The following TNC variants were observed in gnomAD, a reference collection of about 807,000 sequenced individuals.
TNC encodes the protein tenascin C, also known as tenascin.
A neutral mutation model predicts 202.4 loss-of-function variants in TNC; 109 were observed. That is an observed-to-expected ratio of 0.54 (90% CI 0.46 to 0.63). The LOEUF is 0.63. TNC is among the 30% of genes least tolerant of loss of function. The pLI, the probability that TNC is intolerant of heterozygous loss-of-function variation, is 0.00. For synonymous variants in TNC, 1,007 were observed against 1,089.7 expected, an observed-to-expected ratio of 0.92 and a Z score of 1.50; for missense variants, 2,756 against 2,833.3, an observed-to-expected ratio of 0.97 and a Z score of 0.62.
rs1830485775 is a variant in TNC at position 115,038,337 on chromosome 9, G to C, written c.5436C>G (p.Asp1812Glu). ...PSGLVTANIT[D>E]SEALARWQPA... ...GCTGCCACCTGGCCAAGGCTTCTGA[G>C]TCAGTGATGTTGGCTGTCACCAGGC... is the stretch of plus-strand genomic sequence containing the variant. The change falls in exon 20 of 28, where the codon GAC becomes GAG. Residue 1812 changes from aspartate to glutamate, a missense_variant. Around this residue, in one of 2 missense-constraint regions of TNC, gnomAD observed 2,559 missense variants for 2,546.0 expected, o/e 1.01. Coordinates refer to ENST00000350763, the MANE Select transcript of TNC (RefSeq NM_002160.4). The C allele has an allele frequency of 6.2e-7, 1 of 1,614,174 alleles. No homozygotes were observed. The highest frequency in any genetic ancestry group is 8.5e-7 in the Non-Finnish European group (1 of 1,179,996).
At chr9:115,035,907 T>G (rs1588019910) in intron 21 of TNC, 191 bp downstream of exon 21, 1 of 638,870 alleles carries the variant, frequency 1.6e-6, no homozygotes, top group East Asian at 2.7e-5. Flanking sequence ...GTCATTTCAG[T>G]TCAAAAGGAA....
intron 9 of TNC, among the ~76,000 whole-genome samples, chr9:115,075,475 C>T (rs1175269755): frequency 2.0e-5 from 3 of 151,960 alleles, no homozygotes; most frequent in Non-Finnish European, 4.4e-5. Context: ...TCTTACAAAG[C>T]CTGGTTCCAA....
chr9:115,020,995 G>T lies in TNC; in HGVS notation c.*162C>A. On this transcript the variant is annotated 3_prime_UTR_variant, in exon 28 of 28. Coordinates refer to ENST00000350763, the MANE Select transcript of TNC (RefSeq NM_002160.4). ...AAGAAAGAAATCACAGAGGAGGTGA[G>T]GCCCATGCTGTTGCCGTTGGCCCCA... 2 of 587,592 alleles carry T rather than the reference G, an allele frequency of 3.4e-6. No homozygotes were observed. The highest frequency in any genetic ancestry group is 3.0e-6 in the Non-Finnish European group (1 of 331,906). The allele number at this position is 587,592 out of a possible 1,614,324, so 36.4% of individuals were successfully genotyped here.
rs1293548045 is a variant in TNC, at chr9:115,021,281, A to AG, written c.6496-15_6496-14insC. 6.3e-7 allele frequency: 1 copy of AG among 1,594,420 alleles called. No homozygotes were observed. Among genetic ancestry groups the AG allele is most frequent in the African/African-American group, 1.4e-5 (1 of 73,894 alleles). On this transcript the variant is annotated splice_polypyrimidine_tract_variant and intron_variant, in intron 27 of 27. Transcript: ENST00000350763. Reference sequence around the variant, plus strand: ...CCAGTTAACGCCCTGTTAAAAAAAAAAAAGAGAGAGAGAGAGAGAGAGAGA... The same window carrying AG: ...CCAGTTAACGCCCTGTTAAAAAAAAAGAAAGAGAGAGAGAGAGAGAGAGAGA...
intron 27 of TNC, among the ~76,000 whole-genome samples, chr9:115,023,738 A>G (rs1184721526): frequency 6.6e-6 from 1 of 152,122 alleles, no homozygotes; most frequent in Non-Finnish European, 1.5e-5. Context: ...TGTTTTTGGA[A>G]TCCATTTGAC....
At chr9:115,059,258 C>T (rs1193799728) in intron 14 of TNC, among the ~76,000 whole-genome samples, 1 of 152,142 alleles carries the variant, frequency 6.6e-6, no homozygotes, top group Non-Finnish European at 1.5e-5. Flanking sequence ...ACATTTCTTA[C>T]ATGCAAGAAC....
intron 1 of TNC, among the ~76,000 whole-genome samples, chr9:115,099,189 A>G (rs1223697475): frequency 6.6e-6 from 1 of 152,054 alleles, no homozygotes; most frequent in Non-Finnish European, 1.5e-5. Flanking sequence ...TAATTTCTAA[A>G]TGGTTTATTC....
chr9:115,073,922 T>C, intron 9 of TNC, 56 bp from the exon 10 acceptor site: 2 of 1,555,650 alleles, frequency 1.3e-6, no homozygotes, highest in Non-Finnish European at 1.7e-6. Flanking sequence ...GGGCTGCTTC[T>C]GGGGCTGAAA....
intron 1 of TNC, among the ~76,000 whole-genome samples, chr9:115,105,612 T>C (rs1756247129): frequency 6.6e-6 from 1 of 152,184 alleles, no homozygotes; most frequent in African/African-American, 2.4e-5. Flanking sequence ...CTTTATGATC[T>C]ACAGGCAGGA....
At chr9:115,088,167 T>C (rs957034978) in intron 2 of TNC, among the ~76,000 whole-genome samples, 3 of 152,226 alleles carry the variant, frequency 2.0e-5, no homozygotes, top group African/African-American at 7.2e-5. Context: ...ATACGTGAAG[T>C]TGGGCCAATA....
At chr9:115,062,639 A>G (rs1265159241) in intron 13 of TNC, among the ~76,000 whole-genome samples, 1 of 151,662 alleles carries the variant, frequency 6.6e-6, no homozygotes, top group East Asian at 1.9e-4. Flanking sequence ...ATATCTATAT[A>G]TACACACACA....
At chr9:115,050,922 A>T (rs566836749) in intron 15 of TNC, among the ~76,000 whole-genome samples, 1 of 152,304 alleles carries the variant, frequency 6.6e-6, no homozygotes, top group South Asian at 2.1e-4. Context: ...GCTTGATCTC[A>T]AAATCCTCAC....
chr9:115,044,140 G>A (rs1830987343), intron 17 of TNC, among the ~76,000 whole-genome samples: 1 of 152,026 alleles, frequency 6.6e-6, no homozygotes, highest in African/African-American at 2.4e-5. Flanking sequence ...GTGCTATGGA[G>A]AGGTACCTTG....
intron 2 of TNC, among the ~76,000 whole-genome samples, chr9:115,088,875 C>G (rs1045988639): frequency 6.6e-6 from 1 of 151,834 alleles, no homozygotes; most frequent in Non-Finnish European, 1.5e-5. Flanking sequence ...TGAGAAGTAT[C>G]CATTAATAAT....
Position 115,064,048 on chromosome 9 carries a change from C to T in TNC, c.3508G>A (p.Glu1170Lys), listed in dbSNP as rs1470181877. The T allele has an allele frequency of 6.2e-7, 1 of 1,608,310 alleles. No homozygotes were observed. Among genetic ancestry groups the T allele is most frequent in the Non-Finnish European group, 8.5e-7 (1 of 1,176,246 alleles). Residue 1170 changes from glutamate (E) to lysine (K), a missense_variant, in exon 12 of 28, where the codon GAG becomes AAG. This residue lies in a region of TNC where 2,559 missense variants were observed against 2,546.0 expected (regional missense o/e 1.01). Coordinates refer to ENST00000350763, the MANE Select transcript of TNC (RefSeq NM_002160.4). ...ASTGETPNLG[E>K]VVVAEVGWDA... Reference sequence around the variant, plus strand: ...CAGCCCACCTCGGCCACCACGACCTCTCCCAAATTGGGAGTTTCCCCTGGA... The same window carrying T: ...CAGCCCACCTCGGCCACCACGACCTTTCCCAAATTGGGAGTTTCCCCTGGA...
chr9:115,077,686 CT>C (rs1390512967), intron 7 of TNC, among the ~76,000 whole-genome samples: 1 of 152,194 alleles, frequency 6.6e-6, no homozygotes, highest in Non-Finnish European at 1.5e-5. Context: ...TTAACCAGAA[CT>C]TTTGTCTGAG....
At position 115,076,065 on chromosome 9, in the gene TNC, C is replaced by G; in HGVS notation, c.2917G>C (p.Glu973Gln). ...GCGTTGATGGTCGCTGGATTGCTCT[C>G]CTTGTCTTCCTTCACAGCAGAAACT... The part of the protein sequence containing the change: ...IGVSAVKEDK[E>Q]SNPATINAAT... Residue 973 changes from glutamate to glutamine, a missense_variant, in exon 9 of 28, where the codon GAG becomes CAG. Around this residue, in one of 2 missense-constraint regions of TNC, gnomAD observed 2,559 missense variants for 2,546.0 expected, o/e 1.01. Transcript: ENST00000350763. 1 of 1,614,146 alleles carries G rather than the reference C, an allele frequency of 6.2e-7. No homozygotes were observed. The highest frequency in any genetic ancestry group is 8.5e-7 in the Non-Finnish European group (1 of 1,180,040).
At chr9:115,024,226 A>ACCCAG (rs1829304036) in intron 26 of TNC, 90 bp from the exon 27 acceptor site, 1 of 1,422,596 alleles carries the variant, frequency 7.0e-7, no homozygotes, top group Non-Finnish European at 9.7e-7. Flanking sequence ...TGACAATTGA[A>ACCCAG]AGGTTCTGGG....
At chr9:115,036,958 C>T (rs1056322919) in intron 20 of TNC, among the ~76,000 whole-genome samples, 2 of 152,182 alleles carry the variant, frequency 1.3e-5, no homozygotes, top group East Asian at 1.9e-4. Context: ...ACCACCCCCT[C>T]TTCTGAACCA....
Sources: gnomAD v4.1 joint callset for allele counts (sites outside exome capture counted in the v4.1 genomes callset) on GRCh38, gnomAD v4.1.1 for gene constraint, gnomAD v4.1.1 regional missense constraint, MANE v1.5 for transcripts, NCBI Gene and HGNC (gene_info 2026-07-23, HGNC 2026-07-21) for gene names.